RECK: variants seen among roughly 807,000 people sequenced by gnomAD.
RECK encodes the protein reversion inducing cysteine rich protein with kazal motifs.
In RECK, 69 loss-of-function variants were observed where a neutral mutation model predicts 115.1. The ratio of observed to expected loss-of-function variants is 0.60; its 90% CI spans 0.49 to 0.73. The LOEUF (loss-of-function observed/expected upper bound fraction) is 0.73, where lower values mean the gene tolerates loss of function less well. Ranked by LOEUF, RECK falls within the 30% of genes least tolerant of loss-of-function variation. RECK has a pLI of 0.00. For missense variants in RECK, 1,047 were observed against 1,203.7 expected, an observed-to-expected ratio of 0.87 and a Z score of 1.93; for synonymous variants, 414 against 419.7, an observed-to-expected ratio of 0.99 and a Z score of 0.17.
chr9:36,080,751 T>C, intron 7 of RECK, 113 bp downstream of exon 7: 1 of 881,768 alleles, frequency 1.1e-6, no homozygotes, highest in Non-Finnish European at 1.8e-6. Context: ...ATTTAGGTCA[T>C]TCATGTATTA....
intron 10 of RECK, among the ~76,000 whole-genome samples, chr9:36,098,183 T>C (rs1253246865): frequency 6.6e-6 from 1 of 152,226 alleles, no homozygotes; most frequent in Non-Finnish European, 1.5e-5. Flanking sequence ...GTGAGTTGTA[T>C]ACTTGAAAGT....
intron 6 of RECK, among the ~76,000 whole-genome samples, chr9:36,074,426 C>T (rs1199114557): frequency 6.6e-6 from 1 of 152,086 alleles, no homozygotes; most frequent in Non-Finnish European, 1.5e-5. Flanking sequence ...GCTCATAGTC[C>T]ATGGGAAGAG....
intron 10 of RECK, among the ~76,000 whole-genome samples, chr9:36,095,467 T>A (rs1318345936): frequency 6.6e-6 from 1 of 152,208 alleles, no homozygotes; most frequent in Non-Finnish European, 1.5e-5. Flanking sequence ...TCCCAACTCC[T>A]CTTATGAGGC....
At chr9:36,111,501 C>T (rs1032137179) in intron 15 of RECK, among the ~76,000 whole-genome samples, 2 of 152,198 alleles carry the variant, frequency 1.3e-5, no homozygotes, top group Non-Finnish European at 2.9e-5. Context: ...TCAAGCAATT[C>T]TCCTGCCTCA....
At chr9:36,066,223 A>C (rs1408469) in intron 6 of RECK, among the ~76,000 whole-genome samples, 46,812 of 152,044 alleles carry the variant, frequency 0.31, 8,492 homozygotes, top group Middle Eastern at 0.47. Flanking sequence ...CCATACAAAT[A>C]TGTGCAGAAG....
chr9:36,063,911 C>T (rs767613452), intron 5 of RECK, 31 bp downstream of exon 5: 29 of 1,599,210 alleles, frequency 1.8e-5, no homozygotes, highest in Non-Finnish European at 2.5e-5. Context: ...TCTCAAACAT[C>T]ATGGAGTGCA....
chr9:36,071,474 C>T (rs1172318941), intron 6 of RECK, among the ~76,000 whole-genome samples: 1 of 152,196 alleles, frequency 6.6e-6, no homozygotes, highest in African/African-American at 2.4e-5. Context: ...AATGCCTTTA[C>T]ATTTGCTGTG....
rs772347343 is a variant in RECK at position 36,100,437 on chromosome 9, C to T, written c.1192C>T (p.Pro398Ser). 2 of 1,612,504 alleles carry T rather than the reference C, an allele frequency of 1.2e-6. No individual in the cohort carries two copies. The highest frequency in any genetic ancestry group is 2.2e-5 in the East Asian group (1 of 44,874). The part of the protein sequence containing the change: ...GSIKMPFINI[P>S]VLDIKKCQPE... The stretch of plus-strand genomic sequence containing the variant: ...CATAAAGATGCCATTTATCAATATA[C>T]CTGTTCTTGATATTAAAAAGTGCCA... Residue 398 changes from proline (P) to serine (S), a missense_variant, in exon 11 of 21, where the codon CCT becomes TCT. Coordinates refer to ENST00000377966, the MANE Select transcript of RECK (RefSeq NM_021111.3).
Position 36,121,135 on chromosome 9 carries a change from G to A in RECK, c.2539-398G>A, listed in dbSNP as rs576663611. ...GAGGGGATCTTCTGGAGCCCTGCCC[G>A]TTCCCTGCATAGTTCTGCCCTCTCT... On this transcript the variant is annotated intron_variant, in intron 19 of 20. Coordinates refer to ENST00000377966, the MANE Select transcript of RECK (RefSeq NM_021111.3). 1.1e-4 allele frequency among the ~76,000 whole-genome samples: 16 copies of A among 152,292 alleles called. No individual in the cohort carries two copies. The South Asian group carries it at 1.4e-3, about 14-fold the overall frequency.
intron 14 of RECK, among the ~76,000 whole-genome samples, 173 bp downstream of exon 14, chr9:36,108,337 C>G (rs941210660): frequency 3.9e-5 from 6 of 152,138 alleles, no homozygotes. Context: ...CTTTAGAAGT[C>G]CCCTCAATAA....
At chr9:36,068,673 G>C (rs921657740) in intron 6 of RECK, among the ~76,000 whole-genome samples, 1 of 152,184 alleles carries the variant, frequency 6.6e-6, no homozygotes, top group East Asian at 1.9e-4. Flanking sequence ...ACAAATCCTG[G>C]GTTCTGATTG....
chr9:36,067,006 A>G (rs1822028563), intron 6 of RECK: 1 of 402,550 alleles, frequency 2.5e-6, no homozygotes, highest in Non-Finnish European at 4.5e-6. Flanking sequence ...TTTTGTTTTT[A>G]TATTAAAAGT....
chr9:36,087,700 A>G lies in RECK; in HGVS notation c.644A>G (p.Tyr215Cys), dbSNP rs752288922. ...TTATATTCTGAAAATGTAGGTTTAT[A>G]TTGCTGTGACAGAGCTGAAGACCAT... Reference protein sequence around the residue: ...YPMRNPTDSLYCCDRAEDHAC... With the variant: ...YPMRNPTDSLCCCDRAEDHAC... The change falls in exon 9 of 21, where the codon TAT (tyrosine) becomes TGT (cysteine). Residue 215 changes from tyrosine to cysteine, a missense_variant. Coordinates refer to ENST00000377966, the MANE Select transcript of RECK (RefSeq NM_021111.3). 12 of 1,613,496 alleles carry G rather than the reference A, an allele frequency of 7.4e-6. No homozygotes were observed. The highest frequency in any genetic ancestry group is 1.0e-5 in the Non-Finnish European group (12 of 1,179,618).
rs200048340 is a variant in RECK, at chr9:36,087,866, T to C, written c.810T>C (p.Ser270=). The change falls in exon 9 of 21, where the codon TCT becomes TCC. Residue 270 remains serine, a synonymous_variant. Coordinates refer to ENST00000377966, the MANE Select transcript of RECK (RefSeq NM_021111.3). ...AATGTTTTCTTGAAAGCTCACAATC[T>C]GTTCACCCTGGAGTCACTGTACACC... ...LWQCFLESSQ[S]VHPGVTVHPP... 23 of 1,613,892 alleles carry C rather than the reference T, an allele frequency of 1.4e-5. 1 individual carries two copies. Among genetic ancestry groups the C allele is most frequent in the Non-Finnish European group, 1.9e-5 (22 of 1,179,914 alleles).
intron 1 of RECK, among the ~76,000 whole-genome samples, chr9:36,044,894 G>T (rs1821012698): frequency 6.6e-6 from 1 of 152,110 alleles, no homozygotes; most frequent in Admixed American, 6.5e-5. Flanking sequence ...TTTAGAATTG[G>T]AATAGCAGGA....
intron 4 of RECK, among the ~76,000 whole-genome samples, chr9:36,062,589 C>T (rs1821819968): frequency 6.6e-6 from 1 of 152,010 alleles, no homozygotes; most frequent in Non-Finnish European, 1.5e-5. Context: ...GCAGTTCTCC[C>T]ACCTCACCCT....
chr9:36,099,490 T>C (rs753167729), intron 10 of RECK, among the ~76,000 whole-genome samples: 3 of 152,206 alleles, frequency 2.0e-5, no homozygotes, highest in Non-Finnish European at 2.9e-5. Flanking sequence ...TAATTTTAAA[T>C]AACTTGATAA....
intron 2 of RECK, among the ~76,000 whole-genome samples, chr9:36,054,241 T>A (rs1481137603): frequency 1.3e-5 from 2 of 152,130 alleles, no homozygotes; most frequent in Non-Finnish European, 2.9e-5. Context: ...GTAAACAGCA[T>A]TCTTGATGAC....
intron 12 of RECK, 77 bp from the exon 13 acceptor site, chr9:36,105,066 C>G (rs981937118): frequency 6.5e-6 from 8 of 1,233,098 alleles, no homozygotes. Flanking sequence ...TTATTCCAGC[C>G]ATAATTAATT....
Sources: gnomAD v4.1 joint callset for allele counts (sites outside exome capture counted in the v4.1 genomes callset) on GRCh38, gnomAD v4.1.1 for gene constraint, MANE v1.5 for transcripts, NCBI Gene and HGNC (gene_info 2026-07-23, HGNC 2026-07-21) for gene names.